The following ATP8A2 variants were observed in gnomAD, a reference collection of about 807,000 sequenced individuals.
ATP8A2 encodes ATPase phospholipid transporting 8A2, also known as phospholipid-transporting ATPase IB.
ATP8A2 carries 100 observed loss-of-function variants against 165.6 expected under a neutral mutation model. That is an observed-to-expected ratio of 0.60 (90% CI 0.51 to 0.71). The LOEUF (loss-of-function observed/expected upper bound fraction) is 0.71, where lower values mean the gene tolerates loss of function less well. Ranked by LOEUF, ATP8A2 falls within the 30% of genes least tolerant of loss-of-function variation. The probability of loss-of-function intolerance (pLI) is 0.00; values close to 1 mark genes in which losing one functional copy is unlikely to be tolerated. For synonymous variants in ATP8A2, 543 were observed against 548.8 expected (o/e 0.99, Z 0.15); for missense variants, 1,227 against 1,479.5 (o/e 0.83, Z 2.80).
At chr13:25,540,433 T>A (rs2038436065) in intron 8 of ATP8A2, 45 bp downstream of exon 8, 1 of 1,326,532 alleles carries the variant, frequency 7.5e-7, no homozygotes, top group African/African-American at 1.4e-5. Flanking sequence ...TAGACACAAC[T>A]GCAAATGTGG....
rs2040845064 is a variant in ATP8A2 at position 25,617,018 on chromosome 13, G to T, written c.2211+27319G>T. Among the ~76,000 whole-genome samples, 2 of 152,160 alleles carry T rather than the reference G, an allele frequency of 1.3e-5. 1 individual carries two copies. The highest frequency in any genetic ancestry group is 4.1e-4 in the South Asian group (2 of 4,832). ...GGAAATGATTTCATAGAATAAAACT[G>T]AAGCCTGGTTTATCTTGAAAAGAAA... is the stretch of plus-strand genomic sequence containing the variant. On this transcript the variant is annotated intron_variant, in intron 24 of 36. Coordinates refer to ENST00000381655, the MANE Select transcript of ATP8A2 (RefSeq NM_016529.6).
At chr13:25,582,710 C>T (rs1032562969) in intron 23 of ATP8A2, among the ~76,000 whole-genome samples, 9 of 152,172 alleles carry the variant, frequency 5.9e-5, no homozygotes, top group Non-Finnish European at 1.0e-4. Context: ...CTGCTAGAGC[C>T]TTTGTATTTA....
intron 33 of ATP8A2, among the ~76,000 whole-genome samples, chr13:25,914,280 A>T (rs1954203949): frequency 6.6e-6 from 1 of 152,108 alleles, no homozygotes; most frequent in African/African-American, 2.4e-5. Context: ...TGCAATGTGT[A>T]TGTGTGTATT....
chr13:25,619,494 T>C (rs2040914046), intron 24 of ATP8A2, among the ~76,000 whole-genome samples: 1 of 152,096 alleles, frequency 6.6e-6, no homozygotes, highest in Non-Finnish European at 1.5e-5. Flanking sequence ...GATACTCGAA[T>C]AACCAGATAT....
intron 25 of ATP8A2, among the ~76,000 whole-genome samples, chr13:25,728,864 C>T (rs2043553311): frequency 6.6e-6 from 1 of 152,186 alleles, no homozygotes; most frequent in Non-Finnish European, 1.5e-5. Context: ...GTGCCCGAAA[C>T]TGCTGTGCTT....
intron 25 of ATP8A2, among the ~76,000 whole-genome samples, chr13:25,754,335 C>A (rs1593296635): frequency 1.3e-5 from 2 of 152,064 alleles, no homozygotes; most frequent in Admixed American, 1.3e-4. Context: ...CAGCATTTGT[C>A]GTTACAGGAA....
At chr13:25,590,397 G>C (rs4072773) in intron 24 of ATP8A2, among the ~76,000 whole-genome samples, 108,744 of 152,034 alleles carry the variant, frequency 0.72, 40,071 homozygotes, top group Middle Eastern at 0.78. Flanking sequence ...TGCTTTCCAA[G>C]CTGGGTGACA....
At position 25,686,791 on chromosome 13, in the gene ATP8A2, C is replaced by T. The variant is rs953752828; in HGVS notation, c.2212-12382C>T. 1.7e-4 allele frequency among the ~76,000 whole-genome samples: 26 copies of T among 152,110 alleles called. 1 individual carries two copies. The highest frequency in any genetic ancestry group is 6.0e-4 in the African/African-American group (25 of 41,406). ...AGGTAAGTCTCAGTCTTCTTGACTGCGGCTCTGAATGCCCAGGATTCTGAT... is the reference window on the plus strand; with the variant it reads ...AGGTAAGTCTCAGTCTTCTTGACTGTGGCTCTGAATGCCCAGGATTCTGAT... On this transcript the variant is annotated intron_variant, in intron 24 of 36. Transcript: ENST00000381655.
intron 26 of ATP8A2, among the ~76,000 whole-genome samples, chr13:25,772,735 A>T (rs58345125): frequency 0.047 from 7,068 of 150,888 alleles, 195 homozygotes; most frequent in East Asian, 0.11. Context: ...TTAATTAATT[A>T]ATTTATTTAT....
chr13:25,895,158 A>G (rs1953495908), intron 33 of ATP8A2, among the ~76,000 whole-genome samples: 2 of 152,160 alleles, frequency 1.3e-5, no homozygotes, highest in Non-Finnish European at 2.9e-5. Flanking sequence ...TCAGTATGAT[A>G]TTGGCTGTGG....
intron 2 of ATP8A2, among the ~76,000 whole-genome samples, chr13:25,499,046 A>G (rs1451757264): frequency 2.6e-5 from 4 of 152,206 alleles, no homozygotes; most frequent in African/African-American, 9.7e-5. Context: ...TATATTTGAC[A>G]ATAAAATAGA....
chr13:25,796,391 G>T (rs1950498609), intron 27 of ATP8A2, among the ~76,000 whole-genome samples: 2 of 152,224 alleles, frequency 1.3e-5, no homozygotes, highest in Admixed American at 1.3e-4. Context: ...GAAGGCAGGT[G>T]TGTGTTGTTT....
At chr13:25,922,965 A>G (rs756108809) in intron 33 of ATP8A2, among the ~76,000 whole-genome samples, 26 of 152,300 alleles carry the variant, frequency 1.7e-4, no homozygotes, top group Admixed American at 4.6e-4. Flanking sequence ...ACCCTGCGCC[A>G]TGTTGATCCA....
At chr13:25,880,065 G>A (rs1165517923) in intron 33 of ATP8A2, among the ~76,000 whole-genome samples, 7 of 152,184 alleles carry the variant, frequency 4.6e-5, no homozygotes, top group Admixed American at 2.6e-4. Context: ...AAGCCACAGC[G>A]GCGTAGGCCT....
intron 24 of ATP8A2, among the ~76,000 whole-genome samples, chr13:25,662,830 C>T (rs1017899217): frequency 1.3e-5 from 2 of 152,186 alleles, no homozygotes; most frequent in African/African-American, 4.8e-5. Context: ...GTCATATTTG[C>T]ATGCAGCATC....
intron 20 of ATP8A2, among the ~76,000 whole-genome samples, chr13:25,577,900 C>T (rs1167073405): frequency 6.6e-6 from 1 of 152,088 alleles, no homozygotes; most frequent in Non-Finnish European, 1.5e-5. Context: ...TTTGAGTACA[C>T]GATGAGTAGA....
chr13:25,452,300 G>A (rs565274827), intron 1 of ATP8A2, among the ~76,000 whole-genome samples: 2 of 152,222 alleles, frequency 1.3e-5, no homozygotes, highest in Non-Finnish European at 2.9e-5. Context: ...CCACCACCAC[G>A]GGCTGAGCGC....
Position 25,793,364 on chromosome 13 carries a change from G to A in ATP8A2, c.2679+18405G>A, listed in dbSNP as rs573001552. ...TACTACATAGACTTTATATTAAGTC[G>A]GGTCACCCCAAATATTTTATGAAAA... On this transcript the variant is annotated intron_variant, in intron 27 of 36. Coordinates refer to ENST00000381655, the MANE Select transcript of ATP8A2 (RefSeq NM_016529.6). Among the ~76,000 whole-genome samples the A allele has an allele frequency of 1.4e-3, 219 of 152,160 alleles. 1 individual carries two copies. Among genetic ancestry groups the A allele is most frequent in the African/African-American group, 5.2e-3 (217 of 41,518 alleles).
At chr13:25,765,087 A>C (rs2044463405) in intron 25 of ATP8A2, among the ~76,000 whole-genome samples, 1 of 152,230 alleles carries the variant, frequency 6.6e-6, no homozygotes, top group African/African-American at 2.4e-5. Flanking sequence ...TTAGAGAGCT[A>C]GTTTTTAAAT....
Sources: allele counts gnomAD v4.1 joint callset (sites outside exome capture counted in the v4.1 genomes callset), GRCh38; gene constraint gnomAD v4.1.1; transcripts MANE v1.5; gene names NCBI Gene and HGNC (gene_info 2026-07-23, HGNC 2026-07-21).